The following TMEM131L variants were observed in gnomAD, a reference collection of about 807,000 sequenced individuals.
TMEM131L encodes the protein transmembrane 131 like, also known as transmembrane protein 131-like.
TMEM131L carries 54 observed loss-of-function variants against 192.2 expected under a neutral mutation model. The observed-to-expected ratio is 0.28, with a 90% CI of 0.23 to 0.35. The LOEUF is 0.35. Among genes scored for constraint, TMEM131L ranks in the 10% least tolerant of loss-of-function variants. The pLI is 1.00. For missense variants in TMEM131L, 1,888 were observed against 1,972.9 expected, an observed-to-expected ratio of 0.96 and a Z score of 0.82; for synonymous variants, 701 against 704.9, an observed-to-expected ratio of 0.99 and a Z score of 0.09.
intron 33 of TMEM131L, 69 bp from the exon 34 acceptor site, chr4:153,635,363 G>T: frequency 6.7e-7 from 1 of 1,486,066 alleles, no homozygotes; most frequent in African/African-American, 1.4e-5. Flanking sequence ...AAGCTTTTTT[G>T]CCTGAGAGTG....
rs565313569 is a variant in TMEM131L, at chr4:153,521,285, G to A, written c.240-28788G>A. 6.6e-5 allele frequency among the ~76,000 whole-genome samples: 10 copies of A among 152,246 alleles called. No individual in the cohort carries two copies. The South Asian group carries it at 1.9e-3, about 28-fold the overall frequency. ...GCTGATATCATTGAGAAGGGGCGGG[G>A]TGGTTATTGCTCCAGGGAAAAGTCT... On this transcript the variant is annotated intron_variant, in intron 3 of 34. Coordinates refer to ENST00000409959, the MANE Select transcript of TMEM131L (RefSeq NM_001131007.2).
intron 3 of TMEM131L, among the ~76,000 whole-genome samples, chr4:153,529,871 G>C (rs1447858225): frequency 1.3e-5 from 2 of 152,126 alleles, no homozygotes; most frequent in African/African-American, 2.4e-5. Context: ...AATGGTCTCT[G>C]TTAAAACAGG....
intron 7 of TMEM131L, among the ~76,000 whole-genome samples, chr4:153,562,188 C>T (rs563692192): frequency 6.6e-6 from 1 of 152,124 alleles, no homozygotes; most frequent in African/African-American, 2.4e-5. Flanking sequence ...CAGGCATGCA[C>T]CACCAAGCCC....
intron 3 of TMEM131L, among the ~76,000 whole-genome samples, chr4:153,544,570 C>A (rs1009342493): frequency 2.0e-5 from 3 of 152,210 alleles, no homozygotes; most frequent in African/African-American, 7.2e-5. Flanking sequence ...GCCAGCAGGC[C>A]AGCTTGTGAG....
chr4:153,538,864 G>A (rs530528963), intron 3 of TMEM131L, among the ~76,000 whole-genome samples: 3 of 152,202 alleles, frequency 2.0e-5, no homozygotes, highest in African/African-American at 7.2e-5. Context: ...TCTCCTACTC[G>A]TGGGACAAGG....
intron 3 of TMEM131L, among the ~76,000 whole-genome samples, chr4:153,503,506 T>G (rs1338280391): frequency 6.6e-6 from 1 of 152,156 alleles, no homozygotes; most frequent in African/African-American, 2.4e-5. Flanking sequence ...TTAAAGTAAC[T>G]AAGATATTTT....
At chr4:153,576,288 T>C (rs758972957) in intron 7 of TMEM131L, among the ~76,000 whole-genome samples, 8 of 152,176 alleles carry the variant, frequency 5.3e-5, no homozygotes, top group African/African-American at 1.7e-4. Flanking sequence ...GAGAAAGATA[T>C]GGACTTGAAA....
At chr4:153,612,138 C>T (rs1732663919) in intron 25 of TMEM131L, 114 bp from the exon 26 acceptor site, 3 of 686,022 alleles carry the variant, frequency 4.4e-6, no homozygotes, top group Admixed American at 3.8e-5. Context: ...AAAAACAATG[C>T]TAAATTTAAT....
chr4:153,601,272 C>T (rs2150937372), intron 21 of TMEM131L, among the ~76,000 whole-genome samples: 1 of 152,228 alleles, frequency 6.6e-6, no homozygotes, highest in East Asian at 1.9e-4. Context: ...TAGCTCATGC[C>T]TGTAATCCCA....
At chr4:153,562,770 C>T (rs1265068626) in intron 7 of TMEM131L, among the ~76,000 whole-genome samples, 1 of 152,206 alleles carries the variant, frequency 6.6e-6, no homozygotes, top group Non-Finnish European at 1.5e-5. Flanking sequence ...TTTTCTTTAA[C>T]TTGTTCCCTT....
intron 3 of TMEM131L, among the ~76,000 whole-genome samples, chr4:153,520,850 A>C (rs1454308322): frequency 6.6e-6 from 1 of 152,240 alleles, no homozygotes; most frequent in Non-Finnish European, 1.5e-5. Flanking sequence ...GAATTAGTTA[A>C]TGGGAAGGAC....
At chr4:153,599,613 T>C (rs1187439312) in intron 21 of TMEM131L, among the ~76,000 whole-genome samples, 2 of 152,206 alleles carry the variant, frequency 1.3e-5, no homozygotes, top group African/African-American at 4.8e-5. Flanking sequence ...AGCAGTTAAT[T>C]TGGCTGTCAG....
chr4:153,630,238 G>A (rs879182910), intron 31 of TMEM131L, among the ~76,000 whole-genome samples: 6 of 152,202 alleles, frequency 3.9e-5, no homozygotes, highest in Admixed American at 3.3e-4. Context: ...CCTAGGGAAG[G>A]TGGAACCAAT....
intron 3 of TMEM131L, among the ~76,000 whole-genome samples, chr4:153,491,774 T>G (rs765495364): frequency 2.0e-5 from 3 of 152,144 alleles, no homozygotes; most frequent in Non-Finnish European, 4.4e-5. Flanking sequence ...TAGCCCAGTC[T>G]TGGCTCACTA....
At chr4:153,579,297 C>G (rs551448437) in intron 7 of TMEM131L, among the ~76,000 whole-genome samples, 1 of 151,884 alleles carries the variant, frequency 6.6e-6, no homozygotes, top group Non-Finnish European at 1.5e-5. Context: ...TTGCACTACC[C>G]GACTCCAGCC....
At chr4:153,573,871 G>A (rs1177187170) in intron 7 of TMEM131L, among the ~76,000 whole-genome samples, 1 of 152,182 alleles carries the variant, frequency 6.6e-6, no homozygotes, top group Non-Finnish European at 1.5e-5. Context: ...CTTCCCCCAA[G>A]CATCTAAATT....
At position 153,585,521 on chromosome 4, in the gene TMEM131L, A is replaced by G. The variant is rs776752724; in HGVS notation, c.1221A>G (p.Gly407=). The part of the protein sequence containing the change: ...FHIETHENTS[G]LWSIWYRNHF... ...TAGAGACTCATGAGAACACATCAGG[A>G]CTTTGGTCAATATGGTACCGCAACC... Residue 407 remains glycine, a synonymous_variant, in exon 13 of 35, where the codon GGA becomes GGG. Transcript: ENST00000409959. The G allele has an allele frequency of 3.1e-6, 5 of 1,613,896 alleles. No homozygotes were observed. Among genetic ancestry groups the G allele is most frequent in the Non-Finnish European group, 3.4e-6 (4 of 1,179,954 alleles).
chr4:153,512,823 A>G (rs556003097), intron 3 of TMEM131L, among the ~76,000 whole-genome samples: 1 of 152,276 alleles, frequency 6.6e-6, no homozygotes, highest in South Asian at 2.1e-4. Flanking sequence ...CATGTTGGCC[A>G]AGATGGTCTC....
intron 34 of TMEM131L, among the ~76,000 whole-genome samples, 157 bp from the exon 35 acceptor site, chr4:153,636,144 G>GA (rs1415835554): frequency 2.0e-5 from 3 of 152,130 alleles, no homozygotes; most frequent in Non-Finnish European, 4.4e-5. Context: ...CTCCCTTTGA[G>GA]AAAAAATGGA....
Sources: gnomAD v4.1 joint callset for allele counts (sites outside exome capture counted in the v4.1 genomes callset) on GRCh38, gnomAD v4.1.1 for gene constraint, MANE v1.5 for transcripts, NCBI Gene and HGNC (gene_info 2026-07-23, HGNC 2026-07-21) for gene names.